Variants in ME1 observed in about 807,000 individuals in gnomAD.
The protein encoded by ME1 is malic enzyme 1, also known as NADP-dependent malic enzyme.
Under a neutral mutation model 66.4 loss-of-function variants are expected in ME1, and 74 were observed. The observed-to-expected ratio is 1.11, with a 90% CI of 0.92 to 1.35. The LOEUF (loss-of-function observed/expected upper bound fraction) is 1.35. ME1 is among the 40% of genes most tolerant of loss of function. The pLI, the probability that ME1 is intolerant of heterozygous loss-of-function variation, is 0.00. For missense variants in ME1, 750 were observed against 694.1 expected (o/e 1.08, Z -0.90); for synonymous variants, 251 against 235.6 (o/e 1.07, Z -0.60).
chr6:83,427,159 T>C (rs1412200461), intron 1 of ME1, among the ~76,000 whole-genome samples: 1 of 152,174 alleles, frequency 6.6e-6, no homozygotes, highest in Non-Finnish European at 1.5e-5. Flanking sequence ...TAGTTAGGGC[T>C]ATGCACAGAA....
intron 1 of ME1, among the ~76,000 whole-genome samples, chr6:83,426,580 G>C (rs926326562): frequency 1.3e-5 from 2 of 152,180 alleles, no homozygotes; most frequent in Non-Finnish European, 2.9e-5. Context: ...AAGAGGTTTA[G>C]GGTACTTTTC....
chr6:83,275,872 A>G (rs2128532060), intron 6 of ME1, among the ~76,000 whole-genome samples: 1 of 135,878 alleles, frequency 7.4e-6, no homozygotes, highest in Middle Eastern at 4.5e-3. Flanking sequence ...TCCCGGGTTC[A>G]CGCCATTCTG....
At chr6:83,423,802 A>T (rs1770316978) in intron 1 of ME1, among the ~76,000 whole-genome samples, 1 of 152,012 alleles carries the variant, frequency 6.6e-6, no homozygotes, top group African/African-American at 2.4e-5. Flanking sequence ...CTCAAAAAAA[A>T]ATGAAAAATA....
intron 7 of ME1, among the ~76,000 whole-genome samples, chr6:83,243,503 A>G (rs1393469450): frequency 2.3e-5 from 3 of 128,328 alleles, no homozygotes; most frequent in African/African-American, 9.2e-5. Flanking sequence ...TTATATTGAT[A>G]TAATCTATTA....
At chr6:83,418,930 T>C (rs1179144840) in intron 1 of ME1, among the ~76,000 whole-genome samples, 1 of 152,026 alleles carries the variant, frequency 6.6e-6, no homozygotes, top group Non-Finnish European at 1.5e-5. Context: ...GTTGACCAGG[T>C]GAAAAGTTGG....
rs1790134823 is a variant in ME1 at position 83,223,767 on chromosome 6, G to C, written c.1442C>G (p.Thr481Ser). Residue 481 changes from threonine (T) to serine (S), a missense_variant, in exon 12 of 14, where the codon ACT becomes AGT. Physicochemically the swap from Thr to Ser is moderately conservative, Grantham distance 58. Transcript: ENST00000369705. ...RQITDNIFLT[T>S]AEVIAQQVSD... ...TAGAGGATTTTACAATACCTCAGCA[G>C]TAGTGAGGAAAATATTATCTGTGAT... The C allele has an allele frequency of 6.2e-7, 1 of 1,613,238 alleles. No homozygotes were observed. The highest frequency in any genetic ancestry group is 8.5e-7 in the Non-Finnish European group (1 of 1,179,428).
At chr6:83,352,566 C>T (rs1238489433) in intron 3 of ME1, among the ~76,000 whole-genome samples, 2 of 152,182 alleles carry the variant, frequency 1.3e-5, no homozygotes, top group East Asian at 3.9e-4. Context: ...AATCCATTTT[C>T]AACATGAAGA....
At position 83,387,842 on chromosome 6, in the gene ME1, T is replaced by G. The variant is rs1769539994; in HGVS notation, c.362+10525A>C. 2.6e-5 allele frequency among the ~76,000 whole-genome samples: 4 copies of G among 152,160 alleles called. 1 individual carries two copies. In the South Asian group the frequency reaches 8.3e-4, roughly 32 times the overall value. On this transcript the variant is annotated intron_variant, in intron 3 of 13. Coordinates refer to ENST00000369705, the MANE Select transcript of ME1 (RefSeq NM_002395.6). ...ACTAATTCTTTTTAACAATTACTTT[T>G]GTTGATAATCTGTGACATTGCCAAA... is the stretch of plus-strand genomic sequence containing the variant.
At chr6:83,281,376 GGTAA>G (rs145417292) in intron 6 of ME1, among the ~76,000 whole-genome samples, 1 of 152,226 alleles carries the variant, frequency 6.6e-6, no homozygotes, top group East Asian at 1.9e-4. Flanking sequence ...AGCCAGAAGA[GGTAA>G]GTGAGACATC....
intron 6 of ME1, among the ~76,000 whole-genome samples, chr6:83,270,396 T>C (rs555229508): frequency 6.6e-6 from 1 of 150,728 alleles, no homozygotes; most frequent in Non-Finnish European, 1.5e-5. Context: ...CCCTAACGCC[T>C]TCTCAAAAAT....
intron 6 of ME1, 121 bp downstream of exon 6, chr6:83,315,189 T>C: frequency 1.6e-6 from 1 of 632,296 alleles, no homozygotes; most frequent in East Asian, 2.8e-5. Context: ...AGATAGGATA[T>C]ATGCATTTTT....
At chr6:83,319,717 C>A (rs1768116198) in intron 5 of ME1, among the ~76,000 whole-genome samples, 1 of 152,174 alleles carries the variant, frequency 6.6e-6, no homozygotes, top group Non-Finnish European at 1.5e-5. Flanking sequence ...AACTACAGAA[C>A]CACCCTGAGG....
chr6:83,303,482 G>A (rs1328447625), intron 6 of ME1, among the ~76,000 whole-genome samples: 1 of 152,030 alleles, frequency 6.6e-6, no homozygotes, highest in Non-Finnish European at 1.5e-5. Context: ...AATAAACTTT[G>A]GGTAGCAAGG....
At chr6:83,242,062 C>T (rs1209535128) in intron 7 of ME1, among the ~76,000 whole-genome samples, 2 of 152,116 alleles carry the variant, frequency 1.3e-5, no homozygotes, top group Non-Finnish European at 2.9e-5. Flanking sequence ...AGCGTTTTGC[C>T]ATGTTGGCCA....
At chr6:83,296,888 G>T (rs955264536) in intron 6 of ME1, among the ~76,000 whole-genome samples, 3 of 152,030 alleles carry the variant, frequency 2.0e-5, no homozygotes, top group Non-Finnish European at 4.4e-5. Context: ...CAACTTCAAG[G>T]TTCTATTAAA....
intron 9 of ME1, among the ~76,000 whole-genome samples, chr6:83,231,528 T>A (rs561523242): frequency 1.2e-4 from 18 of 152,334 alleles, no homozygotes; most frequent in Middle Eastern, 6.8e-3. Context: ...ATTGACTTGA[T>A]GACCTAGTTT....
chr6:83,289,245 C>T (rs188637095), intron 6 of ME1, among the ~76,000 whole-genome samples: 35 of 152,282 alleles, frequency 2.3e-4, no homozygotes, highest in Admixed American at 1.9e-3. Flanking sequence ...AAAGGGAATG[C>T]TTCCAGTTTT....
intron 3 of ME1, 75 bp downstream of exon 3, chr6:83,398,292 A>G (rs1769777812): frequency 3.0e-6 from 3 of 1,010,162 alleles, no homozygotes; most frequent in Non-Finnish European, 4.2e-6. Flanking sequence ...TAATAATAAT[A>G]AATTTTAAAT....
intron 5 of ME1, among the ~76,000 whole-genome samples, chr6:83,327,455 C>T (rs1170482): frequency 0.32 from 48,680 of 151,988 alleles, 8,168 homozygotes; most frequent in Middle Eastern, 0.49. Context: ...GGTCTCTGAA[C>T]TGGCCCCCCC....
Sources: allele counts gnomAD v4.1 joint callset (sites outside exome capture counted in the v4.1 genomes callset), GRCh38; gene constraint gnomAD v4.1.1; transcripts MANE v1.5; gene names NCBI Gene and HGNC (gene_info 2026-07-23, HGNC 2026-07-21).